The following PHACTR1 variants were observed in gnomAD, a reference collection of about 807,000 sequenced individuals.
PHACTR1 encodes RPEL repeat containing 1.
A neutral mutation model predicts 69.2 loss-of-function variants in PHACTR1; 16 were observed. The ratio of observed to expected loss-of-function variants is 0.23; its 90% CI spans 0.16 to 0.35. PHACTR1 has a LOEUF of 0.35. Among genes scored for constraint, PHACTR1 ranks in the 10% least tolerant of loss-of-function variants. PHACTR1 has a pLI of 1.00. For synonymous variants in PHACTR1, 312 were observed against 284.5 expected, an observed-to-expected ratio of 1.10 and a Z score of -0.97; for missense variants, 510 against 734.7, an observed-to-expected ratio of 0.69 and a Z score of 3.54.
rs7773078 is a variant in PHACTR1, at chr6:13,229,112, C to T, written c.1235-925C>T. Among the ~76,000 whole-genome samples the T allele has an allele frequency of 6.6e-3, 1,009 of 152,278 alleles. 12 individuals are homozygous for T. Among genetic ancestry groups the T allele is most frequent in the East Asian group, 0.027 (142 of 5,184 alleles). On this transcript the variant is annotated intron_variant, in intron 9 of 14. Transcript: ENST00000332995. ...GAATGGAAGGAGCAGCTGCTCAGCC[C>T]CTGTTTGCTGTTCAGTATCCAGAGA...
At chr6:12,935,324 A>G (rs1226526849) in intron 4 of PHACTR1, among the ~76,000 whole-genome samples, 1 of 151,450 alleles carries the variant, frequency 6.6e-6, no homozygotes, top group Non-Finnish European at 1.5e-5. Flanking sequence ...GCTCACTGCA[A>G]CCTCTCCCTC....
At chr6:12,858,966 AAG>A (rs1467624909) in intron 4 of PHACTR1, among the ~76,000 whole-genome samples, 1 of 152,294 alleles carries the variant, frequency 6.6e-6, no homozygotes, top group African/African-American at 2.4e-5. Flanking sequence ...TCAGTTTCAT[AAG>A]GGAGAAAACT....
intron 4 of PHACTR1, chr6:12,957,499 C>T: frequency 2.0e-6 from 2 of 985,444 alleles, no homozygotes; most frequent in Non-Finnish European, 2.4e-6. Flanking sequence ...ACGCAGGACT[C>T]CTTGGAGACG....
intron 5 of PHACTR1, among the ~76,000 whole-genome samples, chr6:13,101,651 A>G (rs905782437): frequency 2.0e-5 from 3 of 152,230 alleles, no homozygotes; most frequent in African/African-American, 7.2e-5. Flanking sequence ...ATGGTACTCA[A>G]AACAGTATAT....
chr6:13,036,708 A>G (rs1205652042), intron 4 of PHACTR1, among the ~76,000 whole-genome samples: 3 of 152,180 alleles, frequency 2.0e-5, no homozygotes. Flanking sequence ...TCCACATGGT[A>G]TTTCTTACCT....
chr6:12,742,859 AT>A lies in PHACTR1; in HGVS notation c.104-6784del, dbSNP rs549070647. Among the ~76,000 whole-genome samples the A allele has an allele frequency of 1.1e-3, 166 of 152,212 alleles. 1 individual carries two copies. The highest frequency in any genetic ancestry group is 4.1e-4 in the Non-Finnish European group (28 of 68,032). ...ACTCTCAGATCTGGCAAAAGATGAT[AT>A]CTGGAAGAATAATAAGTGTTCAATT... On this transcript the variant is annotated intron_variant, in intron 3 of 14. Coordinates refer to ENST00000332995, the MANE Select transcript of PHACTR1 (RefSeq NM_030948.6).
chr6:12,850,874 A>G (rs1779757825), intron 4 of PHACTR1, among the ~76,000 whole-genome samples: 2 of 152,124 alleles, frequency 1.3e-5, no homozygotes, highest in Non-Finnish European at 2.9e-5. Context: ...ATCAGGTCCC[A>G]CCTTCATGAC....
chr6:12,913,431 G>A (rs754596574), intron 4 of PHACTR1, among the ~76,000 whole-genome samples: 4 of 152,172 alleles, frequency 2.6e-5, no homozygotes, highest in African/African-American at 7.2e-5. Flanking sequence ...CTGATTAAAC[G>A]CTAACAGCTT....
intron 5 of PHACTR1, among the ~76,000 whole-genome samples, chr6:13,146,981 G>A (rs1318003288): frequency 6.6e-6 from 1 of 152,196 alleles, no homozygotes; most frequent in Non-Finnish European, 1.5e-5. Flanking sequence ...TTGAGCGTTT[G>A]TGTCTAACAT....
At chr6:13,112,117 G>A (rs777729631) in intron 5 of PHACTR1, among the ~76,000 whole-genome samples, 1 of 152,144 alleles carries the variant, frequency 6.6e-6, no homozygotes, top group Non-Finnish European at 1.5e-5. Flanking sequence ...TTATAAGTGA[G>A]AACATGCCGT....
intron 5 of PHACTR1, among the ~76,000 whole-genome samples, chr6:13,131,208 T>TACACATACACACAC (rs67522119): frequency 4.9e-4 from 72 of 146,458 alleles, no homozygotes; most frequent in African/African-American, 1.8e-3. Context: ...TATATACACA[T>TACACATACACACAC]ACACACACAC....
chr6:13,084,106 A>G (rs1490862271), intron 5 of PHACTR1, among the ~76,000 whole-genome samples: 1 of 152,060 alleles, frequency 6.6e-6, no homozygotes, highest in African/African-American at 2.4e-5. Context: ...TCACAATAGC[A>G]AAGACTTGGA....
chr6:13,077,311 G>C (rs781764740), intron 5 of PHACTR1, among the ~76,000 whole-genome samples: 5 of 152,146 alleles, frequency 3.3e-5, no homozygotes, highest in Non-Finnish European at 2.9e-5. Context: ...ACACAGGGAA[G>C]TTTGATAACT....
At chr6:12,944,787 A>ATTTATTTT (rs1554172585) in intron 4 of PHACTR1, among the ~76,000 whole-genome samples, 10 of 116,340 alleles carry the variant, frequency 8.6e-5, no homozygotes, top group African/African-American at 3.3e-4. Flanking sequence ...ATTTTTATTT[A>ATTTATTTT]TTTTTTTTTT....
intron 4 of PHACTR1, among the ~76,000 whole-genome samples, chr6:12,995,697 C>A (rs567586925): frequency 6.6e-6 from 1 of 151,860 alleles, no homozygotes; most frequent in African/African-American, 2.4e-5. Flanking sequence ...GGGAATATTT[C>A]ATAGGAAGAT....
At chr6:12,920,275 A>G (rs1326692530) in intron 4 of PHACTR1, among the ~76,000 whole-genome samples, 3 of 152,344 alleles carry the variant, frequency 2.0e-5, no homozygotes, top group East Asian at 3.9e-4. Flanking sequence ...AGTGAAGCAT[A>G]AAGTGTTTTA....
chr6:12,794,500 C>G (rs1772729708), intron 4 of PHACTR1, among the ~76,000 whole-genome samples: 1 of 152,292 alleles, frequency 6.6e-6, no homozygotes, highest in Non-Finnish European at 1.5e-5. Flanking sequence ...ATTCATGAAA[C>G]TTTACCTTTT....
intron 4 of PHACTR1, among the ~76,000 whole-genome samples, chr6:12,813,011 T>C (rs1436387841): frequency 6.6e-6 from 1 of 152,198 alleles, no homozygotes; most frequent in East Asian, 1.9e-4. Context: ...ATTAATTCAT[T>C]AGGCCAATTT....
rs149563340 is a variant in PHACTR1 at position 13,143,405 on chromosome 6, A to G, written c.416-16799A>G. ...CATCCCACATATCCCATAAATATAT[A>G]CAACTACTATTTATCCACAAAAACT... On this transcript the variant is annotated intron_variant, in intron 5 of 14. Coordinates refer to ENST00000332995, the MANE Select transcript of PHACTR1 (RefSeq NM_030948.6). Among the ~76,000 whole-genome samples, 468 of 152,328 alleles carry G rather than the reference A, an allele frequency of 3.1e-3. 3 individuals carry two copies. The highest frequency in any genetic ancestry group is 2.3e-3 in the Non-Finnish European group (157 of 68,016).
Sources: gnomAD v4.1 joint callset for allele counts (sites outside exome capture counted in the v4.1 genomes callset) on GRCh38, gnomAD v4.1.1 for gene constraint, MANE v1.5 for transcripts, NCBI Gene and HGNC (gene_info 2026-07-23, HGNC 2026-07-21) for gene names.